CDKAL1: variants seen among roughly 807,000 people sequenced by gnomAD.
CDKAL1 encodes the protein threonylcarbamoyladenosine tRNA methylthiotransferase.
CDKAL1 carries 32 observed loss-of-function variants against 68.2 expected under a neutral mutation model. The observed-to-expected ratio is 0.47, with a 90% confidence interval of 0.35 to 0.63. The LOEUF is 0.63. CDKAL1 is among the 30% of genes least tolerant of loss of function. The pLI is 0.00. For synonymous variants in CDKAL1, 234 were observed against 244.3 expected, an observed-to-expected ratio of 0.96 and a Z score of 0.39; for missense variants, 606 against 696.7, an observed-to-expected ratio of 0.87 and a Z score of 1.47.
At chr6:20,782,178 C>T (rs764498530) in intron 8 of CDKAL1, among the ~76,000 whole-genome samples, 4 of 152,164 alleles carry the variant, frequency 2.6e-5, no homozygotes, top group African/African-American at 7.2e-5. Flanking sequence ...TCTGTAGTCT[C>T]ACCACTTTCT....
intron 13 of CDKAL1, among the ~76,000 whole-genome samples, chr6:21,144,148 G>A (rs1776051660): frequency 6.6e-6 from 1 of 152,138 alleles, no homozygotes; most frequent in Admixed American, 6.5e-5. Flanking sequence ...TTTCTACAAA[G>A]TACTTTACCT....
intron 11 of CDKAL1, among the ~76,000 whole-genome samples, chr6:21,025,455 G>A (rs190545896): frequency 6.6e-5 from 10 of 152,192 alleles, no homozygotes; most frequent in African/African-American, 4.8e-5. Context: ...TTAAAGAAAT[G>A]CAAAAGTGGA....
chr6:20,627,425 T>TC (rs1767480889), intron 4 of CDKAL1, among the ~76,000 whole-genome samples: 1 of 152,148 alleles, frequency 6.6e-6, no homozygotes, highest in East Asian at 1.9e-4. Context: ...CCTTAAACAA[T>TC]CTGCTATACT....
chr6:21,175,468 A>C (rs1777540844), intron 13 of CDKAL1, among the ~76,000 whole-genome samples: 1 of 151,946 alleles, frequency 6.6e-6, no homozygotes, highest in South Asian at 2.1e-4. Context: ...TTTTGCCTTG[A>C]CTCTCAGGAA....
chr6:20,612,337 C>G (rs547842163), intron 4 of CDKAL1, among the ~76,000 whole-genome samples: 1 of 152,032 alleles, frequency 6.6e-6, no homozygotes, highest in South Asian at 2.1e-4. Flanking sequence ...ATACTGTTTT[C>G]CATAATGGTT....
chr6:21,226,390 A>G (rs1779744134), intron 15 of CDKAL1, among the ~76,000 whole-genome samples: 1 of 151,738 alleles, frequency 6.6e-6, no homozygotes, highest in Non-Finnish European at 1.5e-5. Context: ...AAATTAGTAG[A>G]TTATTTTTAA....
intron 10 of CDKAL1, among the ~76,000 whole-genome samples, chr6:20,992,195 T>G (rs1405599043): frequency 7.2e-6 from 1 of 139,522 alleles, no homozygotes; most frequent in Non-Finnish European, 1.5e-5. Flanking sequence ...AGTCAGCTTT[T>G]TTATATATAT....
At chr6:20,933,696 AGT>A (rs1192689783) in intron 9 of CDKAL1, among the ~76,000 whole-genome samples, 11 of 152,252 alleles carry the variant, frequency 7.2e-5, no homozygotes, top group Non-Finnish European at 1.0e-4. Context: ...TGTCAAGGTA[AGT>A]GTATATAATT....
chr6:20,975,531 C>T (rs1765803536), intron 10 of CDKAL1, among the ~76,000 whole-genome samples: 1 of 152,124 alleles, frequency 6.6e-6, no homozygotes, highest in South Asian at 2.1e-4. Flanking sequence ...GCATACATAA[C>T]ATCTATTCAA....
At chr6:21,028,356 A>G (rs1357586290) in intron 11 of CDKAL1, among the ~76,000 whole-genome samples, 1 of 152,204 alleles carries the variant, frequency 6.6e-6, no homozygotes, top group Non-Finnish European at 1.5e-5. Flanking sequence ...TCACGCTACC[A>G]TAACAAAATG....
At chr6:20,615,808 G>T (rs200446483) in intron 4 of CDKAL1, among the ~76,000 whole-genome samples, 14,281 of 107,808 alleles carry the variant, frequency 0.13, 570 homozygotes, top group East Asian at 0.3. Flanking sequence ...GTCAATTTTG[G>T]CTTTTGTTGC....
chr6:21,168,395 A>C (rs1777236369), intron 13 of CDKAL1, among the ~76,000 whole-genome samples: 2 of 152,356 alleles, frequency 1.3e-5, no homozygotes, highest in South Asian at 2.1e-4. Flanking sequence ...AAGACAACTC[A>C]TTTGAGCAGA....
chr6:20,877,824 G>A (rs1440318759), intron 9 of CDKAL1, among the ~76,000 whole-genome samples: 1 of 152,126 alleles, frequency 6.6e-6, no homozygotes, highest in Non-Finnish European at 1.5e-5. Flanking sequence ...GGCTTTGTAT[G>A]GTTATAATCC....
intron 9 of CDKAL1, among the ~76,000 whole-genome samples, chr6:20,915,945 A>C (rs1180098726): frequency 1.3e-5 from 2 of 152,146 alleles, no homozygotes; most frequent in Admixed American, 6.5e-5. Flanking sequence ...TTAAAAAAAA[A>C]AGCTAATCTC....
At chr6:21,085,328 T>C (rs563797325) in intron 12 of CDKAL1, among the ~76,000 whole-genome samples, 1 of 152,312 alleles carries the variant, frequency 6.6e-6, no homozygotes, top group South Asian at 2.1e-4. Flanking sequence ...TTGAGTAAGC[T>C]TCTACTACAT....
At chr6:21,158,031 C>T (rs1203022202) in intron 13 of CDKAL1, among the ~76,000 whole-genome samples, 1 of 152,158 alleles carries the variant, frequency 6.6e-6, no homozygotes, top group Non-Finnish European at 1.5e-5. Flanking sequence ...GTTTTTCTTT[C>T]TGGCTTTCCT....
At chr6:20,578,215 A>G (rs560817839) in intron 4 of CDKAL1, among the ~76,000 whole-genome samples, 1 of 152,308 alleles carries the variant, frequency 6.6e-6, no homozygotes, top group East Asian at 1.9e-4. Flanking sequence ...AAATGCATAG[A>G]TCTTAAGCAT....
intron 5 of CDKAL1, among the ~76,000 whole-genome samples, chr6:20,716,555 G>GA (rs1772104507): frequency 6.6e-6 from 1 of 151,986 alleles, no homozygotes; most frequent in African/African-American, 2.4e-5. Context: ...AGAGCAATCG[G>GA]GTAACTGCTT....
chr6:20,571,214 T>C (rs986387629), intron 4 of CDKAL1, among the ~76,000 whole-genome samples: 2 of 152,198 alleles, frequency 1.3e-5, no homozygotes, highest in African/African-American at 4.8e-5. Flanking sequence ...CAACTCACCT[T>C]GTGATCTTAG....
Sources: gnomAD v4.1 joint callset for allele counts (sites outside exome capture counted in the v4.1 genomes callset) on GRCh38, gnomAD v4.1.1 for gene constraint, MANE v1.5 for transcripts, NCBI Gene and HGNC (gene_info 2026-07-23, HGNC 2026-07-21) for gene names.